The following NIPBL variants were observed in gnomAD, a reference collection of about 807,000 sequenced individuals.
NIPBL encodes the protein nipped-B-like protein.
A neutral mutation model predicts 321.8 loss-of-function variants in NIPBL; 19 were observed. That is an observed-to-expected ratio of 0.06 (90% CI 0.04 to 0.09). The LOEUF is 0.09. Among genes scored for constraint, NIPBL ranks in the 10% least tolerant of loss-of-function variants. The pLI, the probability that NIPBL is intolerant of heterozygous loss-of-function variation, is 1.00. For missense variants in NIPBL, 2,210 were observed against 3,327.0 expected, an observed-to-expected ratio of 0.66 and a Z score of 8.26; for synonymous variants, 1,106 against 1,114.1, an observed-to-expected ratio of 0.99 and a Z score of 0.14.
intron 10 of NIPBL, 150 bp downstream of exon 10, chr5:36,986,451 G>A (rs1334104345): frequency 1.8e-6 from 1 of 552,136 alleles, no homozygotes; most frequent in East Asian, 3.4e-5. Context: ...TTTTTCAGGA[G>A]TATAGATAAA....
intron 32 of NIPBL, among the ~76,000 whole-genome samples, chr5:37,029,452 T>C (rs1421621039): frequency 6.6e-6 from 1 of 152,226 alleles, no homozygotes; most frequent in African/African-American, 2.4e-5. Context: ...TATCATAATT[T>C]CTTTATCATT....
chr5:37,016,109 C>T lies in NIPBL; in HGVS notation c.4715C>T (p.Thr1572Ile). Residue 1572 changes from threonine (T) to isoleucine (I), a missense_variant, in exon 23 of 47, where the codon ACA (threonine) becomes ATA (isoleucine). By Grantham distance (89) the Thr-to-Ile change is moderately conservative. This residue lies in a region of NIPBL where 28 missense variants were observed against 91.3 expected (regional missense o/e 0.31). Coordinates refer to ENST00000282516, the MANE Select transcript of NIPBL (RefSeq NM_133433.4). ...FENFVQDLLS[T>I]VNKPEWPAAE... ...AATTTTGTTCAAGACCTTCTTTCAACAGTCAATAAGCCTGAATGGCCAGCT... is the reference window on the plus strand; with the variant it reads ...AATTTTGTTCAAGACCTTCTTTCAATAGTCAATAAGCCTGAATGGCCAGCT... The T allele has an allele frequency of 6.2e-7, 1 of 1,613,880 alleles. No homozygotes were observed. The highest frequency in any genetic ancestry group is 8.5e-7 in the Non-Finnish European group (1 of 1,179,886).
chr5:36,904,603 T>G (rs965833264), intron 1 of NIPBL, among the ~76,000 whole-genome samples: 1 of 152,218 alleles, frequency 6.6e-6, no homozygotes, highest in African/African-American at 2.4e-5. Flanking sequence ...GAATGCCCTT[T>G]TACTCATGGT....
At chr5:36,992,200 T>C (rs1453177843) in intron 10 of NIPBL, among the ~76,000 whole-genome samples, 3 of 152,158 alleles carry the variant, frequency 2.0e-5, no homozygotes, top group African/African-American at 7.2e-5. Context: ...TAACATAAAG[T>C]TTTATGGGAA....
intron 1 of NIPBL, chr5:36,886,435 C>G: frequency 1.3e-6 from 1 of 741,838 alleles, no homozygotes; most frequent in East Asian, 2.5e-5. Flanking sequence ...GACCACCACC[C>G]GCTGGATAGT....
chr5:36,931,900 C>T (rs1452478184), intron 1 of NIPBL, among the ~76,000 whole-genome samples: 7 of 149,810 alleles, frequency 4.7e-5, no homozygotes, highest in South Asian at 2.1e-4. Context: ...AATACTGATT[C>T]GAGGCTGTTC....
chr5:37,010,934 C>G (rs1748045422), intron 21 of NIPBL, among the ~76,000 whole-genome samples: 1 of 152,090 alleles, frequency 6.6e-6, no homozygotes, highest in African/African-American at 2.4e-5. Flanking sequence ...TTTTGAGTAC[C>G]AAAATGATAT....
At chr5:36,978,882 G>A (rs1447343613) in intron 9 of NIPBL, among the ~76,000 whole-genome samples, 1 of 151,610 alleles carries the variant, frequency 6.6e-6, no homozygotes, top group East Asian at 1.9e-4. Context: ...AACTTTGTTG[G>A]AGATCAGTTG....
intron 46 of NIPBL, 194 bp from the exon 47 acceptor site, chr5:37,064,333 G>A: frequency 7.0e-7 from 1 of 1,438,158 alleles, no homozygotes; most frequent in Non-Finnish European, 9.1e-7. Flanking sequence ...TACAAATTAA[G>A]AGTTATATGG....
intron 1 of NIPBL, among the ~76,000 whole-genome samples, chr5:36,921,236 A>G (rs139526101): frequency 5.4e-4 from 82 of 152,214 alleles, no homozygotes; most frequent in African/African-American, 1.9e-3. Flanking sequence ...TGATATTTCC[A>G]TGAGTACATA....
intron 1 of NIPBL, among the ~76,000 whole-genome samples, chr5:36,922,107 T>C (rs1748993041): frequency 6.6e-6 from 1 of 151,900 alleles, no homozygotes; most frequent in Admixed American, 6.6e-5. Context: ...AGGCTGGTCT[T>C]GAACTCCTGA....
intron 41 of NIPBL, 139 bp from the exon 42 acceptor site, chr5:37,052,227 T>C (rs1753633794): frequency 4.2e-6 from 3 of 719,190 alleles, no homozygotes; most frequent in Middle Eastern, 3.8e-4. Context: ...ATGTTCCTTC[T>C]AGCACTTCAT....
At chr5:36,952,949 A>ATTTTT (rs1740563892) in intron 1 of NIPBL, among the ~76,000 whole-genome samples, 1 of 152,214 alleles carries the variant, frequency 6.6e-6, no homozygotes, top group South Asian at 2.1e-4. Flanking sequence ...TAAGATACTC[A>ATTTTT]TTTGGATGAA....
chr5:36,990,813 C>T (rs1459262736), intron 10 of NIPBL, among the ~76,000 whole-genome samples: 2 of 152,118 alleles, frequency 1.3e-5, no homozygotes, highest in African/African-American at 2.4e-5. Flanking sequence ...GAGGTATTCT[C>T]TCTCCTTTCC....
Position 37,065,213 on chromosome 5 carries a change from TA to T in NIPBL, c.*324del, listed in dbSNP as rs1212893602. 6.0e-6 allele frequency: 2 copies of T among 332,244 alleles called. No homozygotes were observed. The highest frequency in any genetic ancestry group is 1.1e-5 in the Non-Finnish European group (2 of 176,480). The allele number at this position is 332,244 out of a possible 1,614,324, so 20.6% of individuals were successfully genotyped here. A position where few individuals can be genotyped will look rare whatever the true frequency, so the allele number is the denominator to read the frequency against. On this transcript the variant is annotated 3_prime_UTR_variant, in exon 47 of 47. Transcript: ENST00000282516. ...GAAATTAGTCTGTTAATGTTCTTAA[TA>T]AAGTGTTCTTGGAGTTTAACCTAGC... is the stretch of plus-strand genomic sequence containing the variant.
chr5:36,952,195 C>T (rs1292197346), intron 1 of NIPBL, among the ~76,000 whole-genome samples: 1 of 151,882 alleles, frequency 6.6e-6, no homozygotes, highest in Non-Finnish European at 1.5e-5. Flanking sequence ...TTAAATAATT[C>T]TATTTGCAAT....
intron 1 of NIPBL, among the ~76,000 whole-genome samples, chr5:36,949,968 C>T (rs1235463103): frequency 6.6e-6 from 1 of 151,920 alleles, no homozygotes; most frequent in Non-Finnish European, 1.5e-5. Context: ...ATATCTTCCC[C>T]TAATTAAGCA....
At chr5:37,042,705 C>T (rs1041985512) in intron 34 of NIPBL, among the ~76,000 whole-genome samples, 35 of 151,710 alleles carry the variant, frequency 2.3e-4, no homozygotes, top group African/African-American at 8.5e-4. Context: ...GCTTCTCCTT[C>T]CATGCCTCCA....
intron 21 of NIPBL, among the ~76,000 whole-genome samples, chr5:37,013,208 C>T (rs1281408833): frequency 3.3e-5 from 5 of 149,596 alleles, no homozygotes; most frequent in Non-Finnish European, 4.5e-5. Flanking sequence ...GGCGGCTGGC[C>T]GGGCAGAGGG....
Sources: allele counts gnomAD v4.1 joint callset (sites outside exome capture counted in the v4.1 genomes callset), GRCh38; gene constraint gnomAD v4.1.1; regional missense constraint gnomAD v4.1.1; transcripts MANE v1.5; gene names NCBI Gene and HGNC (gene_info 2026-07-23, HGNC 2026-07-21).